CHD1L: variants seen among roughly 807,000 people sequenced by gnomAD.
CHD1L encodes chromodomain helicase DNA binding protein 1 like.
In CHD1L, 118 loss-of-function variants were observed where a neutral mutation model predicts 115.9. That is an observed-to-expected ratio of 1.02 (90% confidence interval 0.88 to 1.19). The LOEUF is 1.19. CHD1L is among the 50% of genes most tolerant of loss of function. The pLI is 0.00. For missense variants in CHD1L, 1,179 were observed against 1,065.3 expected (o/e 1.11, Z -1.49); for synonymous variants, 411 against 387.1 (o/e 1.06, Z -0.72).
chr1:147,226,107 C>CTT, the CHD1L span, among the ~76,000 whole-genome samples: 139,083 of 147,846 alleles, frequency 0.94, 65,446 homozygotes, highest in East Asian at 0.97. Flanking sequence ...ATTTATCTTA[C>CTT]TTTTTTTTTT....
chr1:147,190,136 G>T, the CHD1L span: 1 of 1,287,786 alleles, frequency 7.8e-7, no homozygotes, highest in Non-Finnish European at 1.1e-6. Context: ...TAAGAAATAA[G>T]TAGAAATGTA....
At chr1:147,275,941 TTCTC>T (rs1678265559) in intron 13 of CHD1L, among the ~76,000 whole-genome samples, 159 bp from the exon 14 acceptor site, 1 of 152,146 alleles carries the variant, frequency 6.6e-6, no homozygotes, top group Non-Finnish European at 1.5e-5. Flanking sequence ...TTCAGGCGAG[TTCTC>T]TCTAACAAGT....
At chr1:147,268,677 C>A in intron 9 of CHD1L, 105 bp from the exon 10 acceptor site, 1 of 802,168 alleles carries the variant, frequency 1.2e-6, no homozygotes, top group South Asian at 1.5e-5. Context: ...ATCATGCAAA[C>A]AACTACTTAT....
chr1:147,235,797 T>C, the CHD1L span, among the ~76,000 whole-genome samples: 1 of 152,166 alleles, frequency 6.6e-6, no homozygotes, highest in Non-Finnish European at 1.5e-5. Context: ...TGGCTTCCTA[T>C]GGTATATTAT....
At chr1:147,190,232 AG>A in the CHD1L span, 8 of 1,610,320 alleles carry the variant, frequency 5.0e-6, no homozygotes, top group African/African-American at 9.4e-5. Flanking sequence ...TCACTCTGTG[AG>A]GGCAATGTCT....
intron 6 of CHD1L, among the ~76,000 whole-genome samples, chr1:147,262,943 A>G (rs17356184): frequency 6.6e-6 from 1 of 151,988 alleles, no homozygotes; most frequent in Non-Finnish European, 1.5e-5. Flanking sequence ...TGCTGTGTGT[A>G]TACATTCAAA....
chr1:147,277,291 A>C (rs587765503), intron 14 of CHD1L, among the ~76,000 whole-genome samples: 1 of 152,236 alleles, frequency 6.6e-6, no homozygotes, highest in Admixed American at 6.5e-5. Flanking sequence ...GGACTAGTCC[A>C]TCAAAAAACA....
At chr1:147,213,516 C>T in the CHD1L span, 2 of 1,517,820 alleles carry the variant, frequency 1.3e-6, no homozygotes, top group East Asian at 2.3e-5. Flanking sequence ...TGACATGACT[C>T]TCCTTGCATA....
the CHD1L span, among the ~76,000 whole-genome samples, chr1:147,191,630 T>C: frequency 6.6e-6 from 1 of 151,512 alleles, no homozygotes; most frequent in Non-Finnish European, 1.5e-5. Flanking sequence ...CCCATTTTCT[T>C]GGTTGCCTGT....
At chr1:147,203,722 C>T in the CHD1L span, 12 of 1,523,716 alleles carry the variant, frequency 7.9e-6, no homozygotes, top group Non-Finnish European at 1.1e-5. Flanking sequence ...GACGTTTATC[C>T]CTTGTAAGAA....
chr1:147,201,082 A>G, the CHD1L span: 3 of 1,127,338 alleles, frequency 2.7e-6, no homozygotes, highest in Non-Finnish European at 3.9e-6. Context: ...TAGCTATTTA[A>G]AAACAAGTAC....
chr1:147,226,520 T>TA, the CHD1L span, among the ~76,000 whole-genome samples: 2 of 152,182 alleles, frequency 1.3e-5, no homozygotes, highest in East Asian at 3.8e-4. Context: ...ACTTTTCAAA[T>TA]ATAAAGTCAT....
chr1:147,286,577 G>A, intron 18 of CHD1L, 77 bp downstream of exon 18: 8 of 1,319,180 alleles, frequency 6.1e-6, no homozygotes, highest in Non-Finnish European at 8.6e-6. Flanking sequence ...TGGGGCACTG[G>A]GACTGGGGTG....
chr1:147,282,335 G>A (rs12070617), intron 15 of CHD1L, among the ~76,000 whole-genome samples: 4,874 of 152,248 alleles, frequency 0.032, 256 homozygotes, highest in African/African-American at 0.11. Flanking sequence ...CTGAAAAGGC[G>A]GGGTGAGTCA....
chr1:147,243,326 C>T (rs587750812), intron 1 of CHD1L, among the ~76,000 whole-genome samples: 1 of 152,232 alleles, frequency 6.6e-6, no homozygotes, highest in South Asian at 2.1e-4. Context: ...TTCTCCGGAT[C>T]GAGTTACGTG....
chr1:147,231,749 C>A, the CHD1L span, among the ~76,000 whole-genome samples: 4 of 152,098 alleles, frequency 2.6e-5, no homozygotes, highest in African/African-American at 9.7e-5. Flanking sequence ...GATATAATCT[C>A]CTGGTGTGCC....
At chr1:147,181,593 G>T in the CHD1L span, among the ~76,000 whole-genome samples, 1 of 152,330 alleles carries the variant, frequency 6.6e-6, no homozygotes, top group Middle Eastern at 3.4e-3. Flanking sequence ...CTAGAAAAAT[G>T]AAGTATGATT....
chr1:147,244,392 A>C (rs1665912868), intron 1 of CHD1L, among the ~76,000 whole-genome samples: 1 of 152,230 alleles, frequency 6.6e-6, no homozygotes, highest in Admixed American at 6.5e-5. Context: ...TGGCTACTGA[A>C]TATTATAACT....
At chr1:147,215,254 GT>G in the CHD1L span, 1 of 152,198 alleles carries the variant, frequency 6.6e-6, no homozygotes, top group Non-Finnish European at 1.5e-5. Context: ...CAGAATTCAG[GT>G]TTTTATTCTG....
Sources: allele counts gnomAD v4.1 joint callset (sites outside exome capture counted in the v4.1 genomes callset), GRCh38; gene constraint gnomAD v4.1.1; transcripts MANE v1.5; gene names NCBI Gene and HGNC (gene_info 2026-07-23, HGNC 2026-07-21).